Variants in MAP2K5 observed in about 807,000 individuals in gnomAD.
The protein encoded by MAP2K5 is dual specificity mitogen-activated protein kinase kinase 5.
MAP2K5 carries 49 observed loss-of-function variants against 83.1 expected under a neutral mutation model. That is an observed-to-expected ratio of 0.59 (90% CI 0.47 to 0.75). The LOEUF (loss-of-function observed/expected upper bound fraction) is 0.75, where lower values mean the gene tolerates loss of function less well. Among genes scored for constraint, MAP2K5 ranks in the 30% least tolerant of loss-of-function variants. MAP2K5 has a pLI of 0.00. For synonymous variants in MAP2K5, 202 were observed against 191.8 expected, an observed-to-expected ratio of 1.05 and a Z score of -0.44; for missense variants, 457 against 557.5, an observed-to-expected ratio of 0.82 and a Z score of 1.82.
Position 67,555,910 on chromosome 15 carries a change from A to G in MAP2K5, c.184+5828A>G, listed in dbSNP as rs2084613533. ...GCGATTCTCCTGCCTCAGCCTCCCA[A>G]GTAGCTAGGACTACAGGCATGCGCC... On this transcript the variant is annotated intron_variant, in intron 2 of 21. Transcript: ENST00000178640. This position sits in a 1 kb window ranked among gnomAD's most constrained non-coding sequence, Gnocchi z 5.2. 6.6e-6 allele frequency among the ~76,000 whole-genome samples: 1 copy of G among 151,966 alleles called. No homozygotes were observed.
intron 21 of MAP2K5, among the ~76,000 whole-genome samples, chr15:67,795,642 G>GT (rs781050003): frequency 2.6e-5 from 4 of 152,000 alleles, no homozygotes; most frequent in Admixed American, 6.5e-5. Context: ...TGGTCATTTG[G>GT]TTTTTCCCCC....
intron 13 of MAP2K5, among the ~76,000 whole-genome samples, chr15:67,687,194 A>G (rs1262459327): frequency 1.3e-5 from 2 of 152,234 alleles, no homozygotes; most frequent in Non-Finnish European, 2.9e-5. Context: ...TAGAAGTTAA[A>G]TCAGAGGGAA....
intron 2 of MAP2K5, among the ~76,000 whole-genome samples, chr15:67,554,716 TG>T (rs1390012912): frequency 6.6e-6 from 1 of 152,176 alleles, no homozygotes; most frequent in Non-Finnish European, 1.5e-5. Flanking sequence ...AGTCACTTAG[TG>T]ATAGGTACGA....
In MAP2K5 at chr15:67,636,348, C is replaced by T. The variant is rs1232549219; in HGVS notation, c.585+5421C>T. On this transcript the variant is annotated intron_variant, in intron 9 of 21. Transcript: ENST00000178640. The surrounding 1 kb of genome is among the most constrained non-coding windows in gnomAD (Gnocchi z 4.7). ...GCGTGAACCTGGGAAGTGGAGCTTGCAGTGAGCCAAGATTGCGCCACTGCA... is the reference window on the plus strand; with the variant it reads ...GCGTGAACCTGGGAAGTGGAGCTTGTAGTGAGCCAAGATTGCGCCACTGCA... Among the ~76,000 whole-genome samples, 10 of 150,982 alleles carry T rather than the reference C, an allele frequency of 6.6e-5. No homozygotes were observed.
intron 8 of MAP2K5, among the ~76,000 whole-genome samples, chr15:67,626,859 C>G (rs2086337183): frequency 6.6e-6 from 1 of 152,122 alleles, no homozygotes; most frequent in Non-Finnish European, 1.5e-5. Flanking sequence ...AATAAGATCA[C>G]AGCAGTGCAC....
chr15:67,614,209 C>T (rs1181428411), intron 8 of MAP2K5, among the ~76,000 whole-genome samples: 1 of 152,092 alleles, frequency 6.6e-6, no homozygotes, highest in Non-Finnish European at 1.5e-5. Flanking sequence ...GCCTTGGTTT[C>T]CTTGTCTATA....
rs952957848 is a variant in MAP2K5 at position 67,641,524 on chromosome 15, T to G, written c.586-4707T>G. On this transcript the variant is annotated intron_variant, in intron 9 of 21. Coordinates refer to ENST00000178640, the MANE Select transcript of MAP2K5 (RefSeq NM_145160.3). ...GAATTGCCGTATTTATACTGTATAT[T>G]TTAATAGCCTCACACTAATTTAAAT... 7.0e-6 allele frequency: 7 copies of G among 999,488 alleles called. No homozygotes were observed. The African/African-American group carries it at 1.0e-4, about 15-fold the overall frequency. The allele number at this position is 999,488 out of a possible 1,614,324, so 61.9% of individuals were successfully genotyped here. A position where few individuals can be genotyped will look rare whatever the true frequency, so the allele number is the denominator to read the frequency against.
rs2089136012 is a variant in MAP2K5 at position 67,727,899 on chromosome 15, A to T, written c.1045-17A>T. ...CATGCAAATCTATAACTAGACAAAT[A>T]TTATTTCCTTTCCCAGCTTGCTCTT... On this transcript the variant is annotated splice_polypyrimidine_tract_variant and intron_variant, in intron 16 of 21. Transcript: ENST00000178640. 3 of 1,604,792 alleles carry T rather than the reference A, an allele frequency of 1.9e-6. No homozygotes were observed. The East Asian group carries it at 6.7e-5, about 36-fold the overall frequency.
chr15:67,777,549 A>G lies in MAP2K5; in HGVS notation c.1242+4797A>G, dbSNP rs1463199287. Among the ~76,000 whole-genome samples, 1 of 152,212 alleles carries G rather than the reference A, an allele frequency of 6.6e-6. No individual in the cohort carries two copies. Among genetic ancestry groups the G allele is most frequent in the Non-Finnish European group, 1.5e-5 (1 of 68,050 alleles). On this transcript the variant is annotated intron_variant, in intron 21 of 21. Coordinates refer to ENST00000178640, the MANE Select transcript of MAP2K5 (RefSeq NM_145160.3). This position sits in a 1 kb window ranked among gnomAD's most constrained non-coding sequence, Gnocchi z 6.0. The stretch of plus-strand genomic sequence containing the variant: ...TTCGGCTGTGGTAAAAGTACGTATC[A>G]CATACATATTAAAAACATATACCCA...
chr15:67,653,234 C>T (rs1171697232), intron 11 of MAP2K5, among the ~76,000 whole-genome samples: 1 of 151,678 alleles, frequency 6.6e-6, no homozygotes, highest in Non-Finnish European at 1.5e-5. Flanking sequence ...AGTCTCCTCA[C>T]TTATTTTCTT....
chr15:67,679,875 AT>A lies in MAP2K5; in HGVS notation c.848-12599del, dbSNP rs764851104. On this transcript the variant is annotated intron_variant, in intron 13 of 21. Transcript: ENST00000178640. ...TAAAATTCATCTACTCAATTCAGTGATTTTTAGTAAGTTTATAAAGTTGTGC... is the reference window on the plus strand; with the variant it reads ...TAAAATTCATCTACTCAATTCAGTGATTTTAGTAAGTTTATAAAGTTGTGC... 3 of 152,318 alleles carry A rather than the reference AT, an allele frequency of 2.0e-5. No homozygotes were observed. The East Asian group carries it at 5.8e-4, about 29-fold the overall frequency. The allele number at this position is 152,318 out of a possible 1,614,324, so 9.4% of individuals were successfully genotyped here.
chr15:67,682,427 G>T (rs771169554), intron 13 of MAP2K5, among the ~76,000 whole-genome samples: 2 of 151,812 alleles, frequency 1.3e-5, no homozygotes, highest in African/African-American at 4.8e-5. Flanking sequence ...GTTTTGCCAC[G>T]TTGGCCAGGC....
chr15:67,721,105 T>A (rs1278960072), intron 16 of MAP2K5, among the ~76,000 whole-genome samples: 2 of 152,192 alleles, frequency 1.3e-5, no homozygotes, highest in East Asian at 3.8e-4. Flanking sequence ...TTTATTTTTT[T>A]AAAAACGTAC....
At chr15:67,696,458 C>A (rs1443485160) in intron 15 of MAP2K5, among the ~76,000 whole-genome samples, 1 of 152,068 alleles carries the variant, frequency 6.6e-6, no homozygotes, top group Non-Finnish European at 1.5e-5. Context: ...TGACCCTTTA[C>A]CGAAAAAGTT....
At chr15:67,608,770 G>T (rs1407174932) in intron 8 of MAP2K5, among the ~76,000 whole-genome samples, 1 of 152,192 alleles carries the variant, frequency 6.6e-6, no homozygotes, top group African/African-American at 2.4e-5. Flanking sequence ...GACACAAAGG[G>T]CCTGTCTTGA....
intron 12 of MAP2K5, among the ~76,000 whole-genome samples, chr15:67,663,670 C>T (rs955484220): frequency 6.6e-6 from 1 of 152,084 alleles, no homozygotes; most frequent in Non-Finnish European, 1.5e-5. Context: ...GTCAGGAGTT[C>T]AAGACCAGCC....
intron 6 of MAP2K5, among the ~76,000 whole-genome samples, chr15:67,590,483 C>CTCTCTCTCTCTCTCTCTT (rs2085382535): frequency 7.0e-6 from 1 of 143,526 alleles, no homozygotes; most frequent in Admixed American, 7.3e-5. Context: ...CTCTTTGTTT[C>CTCTCTCTCTCTCTCTCTT]TTTTTGAGAC....
chr15:67,632,674 A>G (rs563891370), intron 9 of MAP2K5, among the ~76,000 whole-genome samples: 31 of 152,210 alleles, frequency 2.0e-4, no homozygotes, highest in Non-Finnish European at 3.7e-4. Flanking sequence ...TTAGCTATCC[A>G]CAGTGAGAAA....
intron 16 of MAP2K5, among the ~76,000 whole-genome samples, chr15:67,707,514 C>G (rs1276081490): frequency 6.6e-6 from 1 of 152,212 alleles, no homozygotes; most frequent in Non-Finnish European, 1.5e-5. Context: ...TAGAAACTTT[C>G]CTTTCTTCAA....
Sources: allele counts gnomAD v4.1 joint callset (sites outside exome capture counted in the v4.1 genomes callset), GRCh38; gene constraint gnomAD v4.1.1; non-coding constraint Gnocchi (gnomAD v3.1); transcripts MANE v1.5; gene names NCBI Gene and HGNC (gene_info 2026-07-23, HGNC 2026-07-21).